TEKT4: variants seen among roughly 807,000 people sequenced by gnomAD.
The protein encoded by TEKT4 is tektin 4.
In TEKT4, 46 loss-of-function variants were observed where a neutral mutation model predicts 46.0. That is an observed-to-expected ratio of 1.00 (90% CI 0.79 to 1.28). The LOEUF (loss-of-function observed/expected upper bound fraction) is 1.28, where lower values mean the gene tolerates loss of function less well. Among genes scored for constraint, TEKT4 ranks in the 50% most tolerant of loss-of-function variants. The pLI, the probability that TEKT4 is intolerant of heterozygous loss-of-function variation, is 0.00. For missense variants in TEKT4, 790 were observed against 622.9 expected (o/e 1.27, Z -2.85); for synonymous variants, 325 against 265.8 (o/e 1.22, Z -2.17).
chr2:94,873,006 C>A lies in TEKT4; in HGVS notation c.499-514C>A. ...AGTACCCAGTGGTTGAGGCAAAGAC[C>A]CCAATCACAGAGAAAAGGCTTGTTC... On this transcript the variant is annotated intron_variant, in intron 1 of 5. Coordinates refer to ENST00000295201, the MANE Select transcript of TEKT4 (RefSeq NM_144705.4). The A allele has an allele frequency of 4.7e-6, 6 of 1,289,394 alleles. No individual in the cohort carries two copies. In the South Asian group the frequency reaches 6.2e-5, roughly 13 times the overall value. 79.9% of individuals were successfully genotyped at this position (1,289,394 alleles called of 1,614,324 possible).
rs868908076 is a variant in TEKT4 at position 94,872,925 on chromosome 2, G to T, written c.499-595G>T. ...ACTGATGGAGACACTGACAGTGCAC[G>T]GAGAGGCAAACCCAGGGATAGAGGG... On this transcript the variant is annotated intron_variant, in intron 1 of 5. Transcript: ENST00000295201. 3.9e-6 allele frequency: 5 copies of T among 1,289,294 alleles called. No homozygotes were observed. The African/African-American group carries it at 7.6e-5, about 20-fold the overall frequency. The allele number at this position is 1,289,294 out of a possible 1,614,324, so 79.9% of individuals were successfully genotyped here.
At chr2:94,872,595 G>A (rs1291549155) in intron 1 of TEKT4, 1 of 338,676 alleles carries the variant, frequency 3.0e-6, no homozygotes, top group East Asian at 7.5e-5. Flanking sequence ...GCCCCACAGG[G>A]TGAGAGAGTA....
At position 94,876,704 on chromosome 2, in the gene TEKT4, C is replaced by G. The variant is rs782145259; in HGVS notation, c.1243C>G (p.Arg415Gly). The G allele has an allele frequency of 6.2e-7, 1 of 1,612,624 alleles. No individual in the cohort carries two copies. The highest frequency in any genetic ancestry group is 1.3e-5 in the African/African-American group (1 of 74,920). ...AAMTNSLFID[R>G]QKCMAHRTRY... ...CATGACCAACAGTCTCTTCATCGAC[C>G]GCCAGAAGTGCATGGCCCATCGTAC... Residue 415 changes from arginine (R) to glycine (G), a missense_variant, in exon 6 of 6, where the codon CGC (arginine) becomes GGC (glycine). Physicochemically the swap from Arg to Gly is moderately radical, Grantham distance 125. Coordinates refer to ENST00000295201, the MANE Select transcript of TEKT4 (RefSeq NM_144705.4).
At position 94,873,638 on chromosome 2, in the gene TEKT4, T is replaced by C. The variant is rs781852162; in HGVS notation, c.569+48T>C. The stretch of plus-strand genomic sequence containing the variant: ...GATGATTCCTGACCCTACCCACAGC[T>C]GGTCCTGGGGCAAGGCATTGAACGA... On this transcript the variant is annotated intron_variant, in intron 2 of 5. Coordinates refer to ENST00000295201, the MANE Select transcript of TEKT4 (RefSeq NM_144705.4). The C allele has an allele frequency of 9.9e-6, 16 of 1,609,966 alleles. No homozygotes were observed. The East Asian group carries it at 2.2e-4, about 22-fold the overall frequency.
At position 94,874,820 on chromosome 2, in the gene TEKT4, T is replaced by A; in HGVS notation, c.758T>A (p.Leu253Gln). Residue 253 changes from leucine (L) to glutamine (Q), a missense_variant, in exon 4 of 6, where the codon CTG becomes CAG. Transcript: ENST00000295201. ...ETRAKFTQDN[L>Q]CRAQRERLAS... Reference sequence around the variant, plus strand: ...CGGGCCAAGTTCACGCAGGACAATCTGTGCCGTGCCCAGCGCGAGCGCCTG... The same window carrying A: ...CGGGCCAAGTTCACGCAGGACAATCAGTGCCGTGCCCAGCGCGAGCGCCTG... 6.2e-7 allele frequency: 1 copy of A among 1,603,322 alleles called. No individual in the cohort carries two copies. The highest frequency in any genetic ancestry group is 8.5e-7 in the Non-Finnish European group (1 of 1,176,234).
At chr2:94,876,497 T>C (rs1264273542) in intron 5 of TEKT4, 56 bp from the exon 6 acceptor site, 227 of 1,497,068 alleles carry the variant, frequency 1.5e-4, no homozygotes, top group Admixed American at 5.8e-5. Context: ...TACACCCCGG[T>C]AGGTGCATAC....
intron 1 of TEKT4, chr2:94,872,807 C>T (rs1680636572): frequency 1.6e-6 from 2 of 1,289,192 alleles, no homozygotes; most frequent in Non-Finnish European, 2.0e-6. Flanking sequence ...CCTTCTTTAC[C>T]CTTCTGCAGG....
intron 1 of TEKT4, chr2:94,872,791 C>G: frequency 7.8e-7 from 1 of 1,287,076 alleles, no homozygotes; most frequent in Non-Finnish European, 1.0e-6. Flanking sequence ...CATGCCTTCC[C>G]TCCTCCCTTC....
Position 94,874,023 on chromosome 2 carries a change from TACA to T in TEKT4, c.632_634del (p.Asn211del), listed in dbSNP as rs1326720900. 1 of 1,613,454 alleles carries T rather than the reference TACA, an allele frequency of 6.2e-7. No individual in the cohort carries two copies. The highest frequency in any genetic ancestry group is 8.5e-7 in the Non-Finnish European group (1 of 1,179,850). ...GGACTGGTCAGACAAGATGGAGGCC[TACA>T]ACATCGACGAGACCTGCGGGCGCCA... On this transcript the variant is annotated inframe_deletion, in exon 3 of 6. Coordinates refer to ENST00000295201, the MANE Select transcript of TEKT4 (RefSeq NM_144705.4).
chr2:94,872,296 C>T, intron 1 of TEKT4: 1 of 617,622 alleles, frequency 1.6e-6, no homozygotes, highest in Non-Finnish European at 2.8e-6. Context: ...CTCCTCTCCT[C>T]CTCTAATCCC....
At chr2:94,873,849 A>G in intron 2 of TEKT4, 116 bp from the exon 3 acceptor site, 1 of 1,436,364 alleles carries the variant, frequency 7.0e-7, no homozygotes, top group Non-Finnish European at 9.5e-7. Context: ...TGCCCGGGAC[A>G]GGCCCACCCA....
chr2:94,872,318 G>A (rs1341330732), intron 1 of TEKT4: 5 of 590,860 alleles, frequency 8.5e-6, no homozygotes, highest in Admixed American at 3.1e-5. Context: ...TTGAGTCCTG[G>A]CACAGTCATC....
At position 94,872,135 on chromosome 2, in the gene TEKT4, C is replaced by CA. The variant is rs1196710942; in HGVS notation, c.498+58_498+59insA. 76 of 1,476,196 alleles carry CA rather than the reference C, an allele frequency of 5.1e-5. No homozygotes were observed. The Admixed American group carries it at 1.5e-3, about 29-fold the overall frequency. The allele number at this position is 1,476,196 out of a possible 1,614,324, so 91.4% of individuals were successfully genotyped here. ...GGCGCAGAGAGGAGGAGCCCCCCCC[C>CA]CCGCAGTTCATGTGGACAAGCCACG... On this transcript the variant is annotated intron_variant, in intron 1 of 5. Transcript: ENST00000295201.
At chr2:94,872,982 G>A in intron 1 of TEKT4, 3 of 1,289,460 alleles carry the variant, frequency 2.3e-6, no homozygotes, top group Non-Finnish European at 3.0e-6. Context: ...ACACAAGGAA[G>A]TACCCAGTGG....
At chr2:94,875,857 G>A (rs1212203112) in intron 5 of TEKT4, 115 bp downstream of exon 5, 3 of 1,119,426 alleles carry the variant, frequency 2.7e-6, no homozygotes, top group Admixed American at 2.4e-5. Flanking sequence ...GTGCTGAGAG[G>A]GGAGGGAGAC....
At chr2:94,872,421 T>A in intron 1 of TEKT4, 1 of 417,846 alleles carries the variant, frequency 2.4e-6, no homozygotes, top group East Asian at 4.9e-5. Flanking sequence ...AACCCAGGTC[T>A]GGGCCAGCAC....
At position 94,871,528 on chromosome 2, in the gene TEKT4, G is replaced by A. The variant is rs1394518690; in HGVS notation, c.-52G>A. 36 of 1,510,092 alleles carry A rather than the reference G, an allele frequency of 2.4e-5. No individual in the cohort carries two copies. Among genetic ancestry groups the A allele is most frequent in the Admixed American group, 1.1e-4 (5 of 46,060 alleles). The allele number at this position is 1,510,092 out of a possible 1,614,324, so 93.5% of individuals were successfully genotyped here. On this transcript the variant is annotated 5_prime_UTR_variant, in exon 1 of 6. Transcript: ENST00000295201. ...TGACCGCACTAGGCTGACCGCAACC[G>A]GCTGACCACACACAGTCCTCACTCC... is the stretch of plus-strand genomic sequence containing the variant.
chr2:94,875,778 C>A (rs782010513), intron 5 of TEKT4, 36 bp downstream of exon 5: 4 of 1,599,376 alleles, frequency 2.5e-6, no homozygotes, highest in South Asian at 1.1e-5. Flanking sequence ...CCCAGGTGGC[C>A]CTGTCCACCT....
At position 94,873,972 on chromosome 2, in the gene TEKT4, C is replaced by A. The variant is rs141896538; in HGVS notation, c.577C>A (p.Arg193=). Residue 193 remains arginine, a synonymous_variant, in exon 3 of 6, where the codon CGG becomes AGG. Coordinates refer to ENST00000295201, the MANE Select transcript of TEKT4 (RefSeq NM_144705.4). ...MQAVSQIRLN[R]EHKETCEMDW... The stretch of plus-strand genomic sequence containing the variant: ...TGCCCCACCCCGCCCCAGACTGAAC[C>A]GGGAGCACAAGGAGACCTGCGAGAT... The A allele has an allele frequency of 1.2e-5, 19 of 1,613,652 alleles. No individual in the cohort carries two copies. Among genetic ancestry groups the A allele is most frequent in the African/African-American group, 2.7e-5 (2 of 74,940 alleles).
Sources: allele counts gnomAD v4.1 joint callset, GRCh38; gene constraint gnomAD v4.1.1; transcripts MANE v1.5; gene names NCBI Gene and HGNC (gene_info 2026-07-23, HGNC 2026-07-21).